Variants in GPM6A observed in about 807,000 individuals in gnomAD.
GPM6A encodes the protein glycoprotein M6A, also known as neuronal membrane glycoprotein M6-a.
A neutral mutation model predicts 32.1 loss-of-function variants in GPM6A; 7 were observed. The ratio of observed to expected loss-of-function variants is 0.22; its 90% confidence interval spans 0.12 to 0.41. GPM6A has a LOEUF of 0.41. Among genes scored for constraint, GPM6A ranks in the 10% least tolerant of loss-of-function variants. GPM6A has a pLI of 1.00. For synonymous variants in GPM6A, 130 were observed against 123.4 expected, an observed-to-expected ratio of 1.05 and a Z score of -0.35; for missense variants, 235 against 347.2, an observed-to-expected ratio of 0.68 and a Z score of 2.57.
intron 2 of GPM6A, among the ~76,000 whole-genome samples, chr4:175,681,601 C>T (rs1435290895): frequency 6.6e-6 from 1 of 152,052 alleles, no homozygotes; most frequent in Non-Finnish European, 1.5e-5. Flanking sequence ...ATCATGAGAA[C>T]ATATCCCTCC....
At chr4:175,922,723 A>T (rs1245608658) in intron 1 of GPM6A, among the ~76,000 whole-genome samples, 1 of 152,188 alleles carries the variant, frequency 6.6e-6, no homozygotes, top group African/African-American at 2.4e-5. Flanking sequence ...CTGGAAAAAG[A>T]TGAGTTTATT....
Position 175,851,430 on chromosome 4 carries a change from G to A in GPM6A, c.-22-39181C>T, listed in dbSNP as rs142501969. 6.4e-3 allele frequency among the ~76,000 whole-genome samples: 975 copies of A among 151,640 alleles called. 13 individuals carry two copies. The highest frequency in any genetic ancestry group is 0.022 in the African/African-American group (928 of 41,314). ...AACTCAGGAGGCAGAGGTTGCAGTGGGCCGAGATTGTGCCATTGCACTCCA... is the reference window on the plus strand; with the variant it reads ...AACTCAGGAGGCAGAGGTTGCAGTGAGCCGAGATTGTGCCATTGCACTCCA... On this transcript the variant is annotated intron_variant, in intron 1 of 7. Transcript: ENST00000280187.
intron 1 of GPM6A, among the ~76,000 whole-genome samples, chr4:175,945,682 A>ATATAAT: frequency 6.9e-6 from 1 of 144,996 alleles, no homozygotes; most frequent in South Asian, 2.2e-4. Flanking sequence ...TGTTATAAGT[A>ATATAAT]ATATAACTTA....
intron 1 of GPM6A, among the ~76,000 whole-genome samples, chr4:175,770,270 C>T (rs1218128566): frequency 6.6e-6 from 1 of 152,202 alleles, no homozygotes; most frequent in African/African-American, 2.4e-5. Context: ...AGATGATCCA[C>T]CCACCTTGGC....
At chr4:175,883,139 A>T (rs1160875320) in intron 1 of GPM6A, among the ~76,000 whole-genome samples, 1 of 152,070 alleles carries the variant, frequency 6.6e-6, no homozygotes, top group Non-Finnish European at 1.5e-5. Flanking sequence ...TTACTTCTTG[A>T]TGGAAGTAAG....
intron 1 of GPM6A, among the ~76,000 whole-genome samples, chr4:175,722,990 A>G (rs1314827029): frequency 6.6e-6 from 1 of 152,094 alleles, no homozygotes; most frequent in Non-Finnish European, 1.5e-5. Context: ...TGGAGGCTGC[A>G]GTGAGCCATG....
At chr4:175,810,055 A>C (rs959634648) in intron 1 of GPM6A, among the ~76,000 whole-genome samples, 1 of 152,196 alleles carries the variant, frequency 6.6e-6, no homozygotes, top group Non-Finnish European at 1.5e-5. Flanking sequence ...TAAGAAAAAC[A>C]GGATAAGAAC....
rs1579606411 is a variant in GPM6A at position 175,896,141 on chromosome 4, G to A, written c.-22-83892C>T. Among the ~76,000 whole-genome samples, 8 of 152,246 alleles carry A rather than the reference G, an allele frequency of 5.3e-5. No individual in the cohort carries two copies. The South Asian group carries it at 1.7e-3, about 32-fold the overall frequency. ...CACTAGTTTCCATCCTGGAAGAGTG[G>A]CAGGAAATTAGACTTTTATCTTTTG... is the stretch of plus-strand genomic sequence containing the variant. On this transcript the variant is annotated intron_variant, in intron 1 of 7. Transcript: ENST00000280187.
At position 175,634,752 on chromosome 4, in the gene GPM6A, A is replaced by C; in HGVS notation, c.*153T>G. On this transcript the variant is annotated 3_prime_UTR_variant, in exon 7 of 7. Coordinates refer to ENST00000393658, the MANE Select transcript of GPM6A (RefSeq NM_201591.3). ...AATAAATTGGGAAATTTAAGTGCTA[A>C]ACAACAAAGAATTGTACTCAGGTGA... is the stretch of plus-strand genomic sequence containing the variant. The C allele has an allele frequency of 3.6e-6, 2 of 556,172 alleles. No homozygotes were observed. The highest frequency in any genetic ancestry group is 6.2e-6 in the Non-Finnish European group (2 of 320,216). 34.5% of individuals were successfully genotyped at this position (556,172 alleles called of 1,614,324 possible).
chr4:175,872,186 A>C (rs1346089009), intron 1 of GPM6A, among the ~76,000 whole-genome samples: 3 of 152,142 alleles, frequency 2.0e-5, no homozygotes, highest in Non-Finnish European at 4.4e-5. Context: ...CAGTTTACAG[A>C]GGTCTACATT....
intron 1 of GPM6A, among the ~76,000 whole-genome samples, chr4:175,838,560 C>T (rs1735842672): frequency 6.6e-6 from 1 of 151,448 alleles, no homozygotes; most frequent in Non-Finnish European, 1.5e-5. Context: ...TTACTACATC[C>T]CCGTTCACAT....
chr4:175,925,972 C>T (rs2111534614), intron 1 of GPM6A, among the ~76,000 whole-genome samples: 1 of 151,864 alleles, frequency 6.6e-6, no homozygotes, highest in East Asian at 1.9e-4. Context: ...CTGCCCCAGC[C>T]TCCCAAGCAG....
chr4:175,957,364 AT>A (rs1285559672), intron 1 of GPM6A, among the ~76,000 whole-genome samples: 12 of 152,206 alleles, frequency 7.9e-5, no homozygotes, highest in Non-Finnish European at 4.4e-5. Flanking sequence ...TTACACTTTA[AT>A]TGAACAAATT....
intron 1 of GPM6A, among the ~76,000 whole-genome samples, chr4:175,767,655 G>T (rs1200312567): frequency 6.6e-6 from 1 of 152,156 alleles, no homozygotes; most frequent in African/African-American, 2.4e-5. Flanking sequence ...TGTAGTTATG[G>T]CTTCAGCCAT....
At chr4:176,000,831 A>G (rs1200755063) in intron 1 of GPM6A, among the ~76,000 whole-genome samples, 1 of 151,988 alleles carries the variant, frequency 6.6e-6, no homozygotes, top group Non-Finnish European at 1.5e-5. Flanking sequence ...ACAACCAAAT[A>G]AAAAAAAGAG....
intron 2 of GPM6A, among the ~76,000 whole-genome samples, chr4:175,688,047 G>GT (rs1303187753): frequency 2.6e-5 from 4 of 151,974 alleles, no homozygotes; most frequent in African/African-American, 4.8e-5. Context: ...TTTTGTTTTT[G>GT]TTTTTTTGCT....
At chr4:175,810,436 A>G (rs183808849) in intron 1 of GPM6A, among the ~76,000 whole-genome samples, 5 of 152,290 alleles carry the variant, frequency 3.3e-5, no homozygotes, top group Admixed American at 3.3e-4. Context: ...GCTGGTGCAT[A>G]TATTAATGAG....
At chr4:175,732,453 G>A (rs555771301) in intron 1 of GPM6A, among the ~76,000 whole-genome samples, 4 of 152,032 alleles carry the variant, frequency 2.6e-5, no homozygotes, top group African/African-American at 9.6e-5. Flanking sequence ...TTTTCTATGA[G>A]TATGTGTGTA....
At chr4:175,708,829 T>G (rs181146777) in intron 1 of GPM6A, among the ~76,000 whole-genome samples, 5 of 152,334 alleles carry the variant, frequency 3.3e-5, no homozygotes. Context: ...GCTTTCTTGT[T>G]TTCTAGTGAA....
Sources: allele counts gnomAD v4.1 joint callset (sites outside exome capture counted in the v4.1 genomes callset), GRCh38; gene constraint gnomAD v4.1.1; transcripts MANE v1.5; gene names NCBI Gene and HGNC (gene_info 2026-07-23, HGNC 2026-07-21).